Variants in EPG5 observed in about 807,000 individuals in gnomAD.
The protein encoded by EPG5 is ectopic P-granules 5 autophagy tethering factor.
EPG5 carries 159 observed loss-of-function variants against 302.7 expected under a neutral mutation model. The ratio of observed to expected loss-of-function variants is 0.53; its 90% confidence interval spans 0.46 to 0.60. The LOEUF (loss-of-function observed/expected upper bound fraction) is 0.60. EPG5 is among the 20% of genes least tolerant of loss of function. The pLI, the probability that EPG5 is intolerant of heterozygous loss-of-function variation, is 0.00. For synonymous variants in EPG5, 1,158 were observed against 1,136.8 expected (o/e 1.02, Z -0.37); for missense variants, 2,896 against 3,092.4 (o/e 0.94, Z 1.51).
chr18:45,825,315 G>A, the EPG5 span, among the ~76,000 whole-genome samples: 1 of 150,258 alleles, frequency 6.7e-6, no homozygotes, highest in East Asian at 2.0e-4. Flanking sequence ...AGAGAGGAAG[G>A]AAGGAAAGGA....
the EPG5 span, among the ~76,000 whole-genome samples, chr18:45,839,808 C>T: frequency 6.6e-6 from 1 of 152,184 alleles, no homozygotes; most frequent in African/African-American, 2.4e-5. Flanking sequence ...GAAATCTGCC[C>T]TGTGCCCCAG....
At chr18:45,879,620 T>C (rs1017824731) in intron 32 of EPG5, among the ~76,000 whole-genome samples, 1 of 152,200 alleles carries the variant, frequency 6.6e-6, no homozygotes, top group Admixed American at 6.5e-5. Flanking sequence ...CCGCCCACCT[T>C]GGCCTCCCAA....
At chr18:45,873,595 T>G (rs780623254) in intron 35 of EPG5, among the ~76,000 whole-genome samples, 12 of 152,158 alleles carry the variant, frequency 7.9e-5, no homozygotes, top group Admixed American at 5.9e-4. Context: ...AATCAATATA[T>G]TCTGGATGGT....
chr18:45,880,110 G>C lies in EPG5; in HGVS notation c.5632C>G (p.Pro1878Ala). 1 of 1,609,984 alleles carries C rather than the reference G, an allele frequency of 6.2e-7. No homozygotes were observed. The highest frequency in any genetic ancestry group is 8.5e-7 in the Non-Finnish European group (1 of 1,177,258). The change falls in exon 32 of 44, where the codon CCC becomes GCC. Residue 1878 changes from proline (P) to alanine (A), a missense_variant. This residue lies in a region of EPG5 where 790 missense variants were observed against 798.0 expected (regional missense o/e 0.99). Transcript: ENST00000282041. ...GACAAGAGAGCATCAGAAGAGCTGGGAAGCACGGCGCCCTCGGTGGACGCT... is the reference window on the plus strand; with the variant it reads ...GACAAGAGAGCATCAGAAGAGCTGGCAAGCACGGCGCCCTCGGTGGACGCT... ...GAASTEGAVL[P>A]SSSDALLSDK...
At chr18:45,870,461 G>A in intron 36 of EPG5, 106 bp downstream of exon 36, 2 of 912,098 alleles carry the variant, frequency 2.2e-6, no homozygotes, top group East Asian at 5.3e-5. Context: ...TGTATTCATG[G>A]TCCACGCTAG....
chr18:45,951,759 A>G (rs552456290), intron 3 of EPG5, among the ~76,000 whole-genome samples: 69 of 152,214 alleles, frequency 4.5e-4, no homozygotes, highest in African/African-American at 1.7e-3. Context: ...ACACCCGGCC[A>G]TAATCCACTA....
Position 45,951,191 on chromosome 18 carries a change from C to T in EPG5, c.1300G>A (p.Glu434Lys). The T allele has an allele frequency of 1.3e-6, 2 of 1,591,948 alleles. No homozygotes were observed. The highest frequency in any genetic ancestry group is 1.7e-6 in the Non-Finnish European group (2 of 1,169,942). Residue 434 changes from glutamate to lysine, a missense_variant, in exon 4 of 44, where the codon GAA becomes AAA. Coordinates refer to ENST00000282041, the MANE Select transcript of EPG5 (RefSeq NM_020964.3). ...AACATGAATAAGACACTAATGCATT[C>T]CTTTAGTTGACACAGATCAGAGGGA... The part of the protein sequence containing the change: ...SIPSDLCQLK[E>K]CISVLFMFTR...
intron 10 of EPG5, among the ~76,000 whole-genome samples, chr18:45,935,265 G>A (rs927624011): frequency 1.2e-4 from 19 of 152,160 alleles, no homozygotes; most frequent in South Asian, 4.1e-4. Context: ...GGATATGGCC[G>A]GGCGTGGTGG....
At chr18:45,808,020 A>G in the EPG5 span, among the ~76,000 whole-genome samples, 3 of 152,208 alleles carry the variant, frequency 2.0e-5, no homozygotes, top group Non-Finnish European at 4.4e-5. Context: ...TGAAATAGAT[A>G]ACAAAAATAA....
chr18:45,880,247 A>G, intron 31 of EPG5, 24 bp from the exon 32 acceptor site: 1 of 1,548,404 alleles, frequency 6.5e-7, no homozygotes, highest in Non-Finnish European at 8.7e-7. Context: ...CAGGAAGAGC[A>G]AGTCAGTGGC....
chr18:45,844,848 G>C (rs890167764), downstream of EPG5, among the ~76,000 whole-genome samples: 2 of 152,178 alleles, frequency 1.3e-5, no homozygotes, highest in African/African-American at 4.8e-5. Context: ...AAGGACACAG[G>C]AGTGGTGTGT....
downstream of EPG5, among the ~76,000 whole-genome samples, chr18:45,846,037 A>G (rs74628238): frequency 2.2e-3 from 337 of 152,312 alleles, 8 homozygotes; most frequent in East Asian, 0.043. Flanking sequence ...AGACAGGACA[A>G]GAGAGCCAGG....
intron 41 of EPG5, among the ~76,000 whole-genome samples, chr18:45,858,288 C>T (rs1259418272): frequency 6.6e-6 from 1 of 152,156 alleles, no homozygotes; most frequent in Non-Finnish European, 1.5e-5. Context: ...TCCACTTCAT[C>T]CTCATGACAG....
the EPG5 span, chr18:45,840,202 C>T: frequency 6.2e-7 from 1 of 1,613,262 alleles, no homozygotes; most frequent in Non-Finnish European, 8.5e-7. Context: ...CTTGCTGTCC[C>T]TCCCACAGAG....
At position 45,967,156 on chromosome 18, in the gene EPG5, G is replaced by T. The variant is rs760719201; in HGVS notation, c.63+21C>A. 1.2e-5 allele frequency: 17 copies of T among 1,433,888 alleles called. No homozygotes were observed. In the South Asian group the frequency reaches 2.1e-4, roughly 17 times the overall value. 88.8% of individuals were successfully genotyped at this position (1,433,888 alleles called of 1,614,324 possible). ...ACACAGCACACTGCCAGAGCCTCGG[G>T]AGGGTGGGGGAGATCCTCACCTTTG... is the stretch of plus-strand genomic sequence containing the variant. On this transcript the variant is annotated intron_variant, in intron 1 of 43. Transcript: ENST00000282041.
At position 45,887,828 on chromosome 18, in the gene EPG5, C is replaced by A; in HGVS notation, c.5032G>T (p.Asp1678Tyr). ...CGCTGCGTCTCATCGCTGACGTAAT[C>A]CACAATAGTAAAGAAAAGGCTAATG... is the stretch of plus-strand genomic sequence containing the variant. ...VGISLFFTIV[D>Y]YVSDETQRHP... The change falls in exon 29 of 44, where the codon GAT becomes TAT. Residue 1678 changes from aspartate to tyrosine, a missense_variant. By Grantham distance (160) the Asp-to-Tyr change is radical. Around this residue, in one of 5 missense-constraint regions of EPG5, gnomAD observed 790 missense variants for 798.0 expected, o/e 0.99. Transcript: ENST00000282041. The A allele has an allele frequency of 6.2e-7, 1 of 1,605,302 alleles. No individual in the cohort carries two copies. Among genetic ancestry groups the A allele is most frequent in the East Asian group, 2.2e-5 (1 of 44,674 alleles).
chr18:45,869,684 C>A (rs993997273), intron 36 of EPG5, among the ~76,000 whole-genome samples: 1 of 152,190 alleles, frequency 6.6e-6, no homozygotes, highest in Non-Finnish European at 1.5e-5. Flanking sequence ...TCTAGAACAA[C>A]TGCCCTCAGC....
At position 45,882,389 on chromosome 18, in the gene EPG5, A is replaced by C; in HGVS notation, c.5403T>G (p.Leu1801=). The C allele has an allele frequency of 6.2e-7, 1 of 1,614,242 alleles. No individual in the cohort carries two copies. The highest frequency in any genetic ancestry group is 8.5e-7 in the Non-Finnish European group (1 of 1,180,038). Residue 1801 remains leucine (L), a synonymous_variant, in exon 31 of 44, where the codon CTT becomes CTG. Coordinates refer to ENST00000282041, the MANE Select transcript of EPG5 (RefSeq NM_020964.3). ...SIHLALTAWG[L]EPDEDILMPF... ...GCATCAAAATATCCTCATCTGGTTC[A>C]AGGCCCCAGGCAGTAAGTGCCAAGT...
chr18:45,903,895 T>G, intron 25 of EPG5, 78 bp downstream of exon 25: 1 of 1,404,176 alleles, frequency 7.1e-7, no homozygotes, highest in Non-Finnish European at 9.5e-7. Flanking sequence ...GAATAAAGTA[T>G]GTCAGCCTCA....
Sources: gnomAD v4.1 joint callset for allele counts (sites outside exome capture counted in the v4.1 genomes callset) on GRCh38, gnomAD v4.1.1 for gene constraint, gnomAD v4.1.1 regional missense constraint, MANE v1.5 for transcripts, NCBI Gene and HGNC (gene_info 2026-07-23, HGNC 2026-07-21) for gene names.